Variants in C13orf42 observed in about 807,000 individuals in gnomAD.
The protein encoded by C13orf42 is uncharacterized protein C13orf42.
chr13:51,140,779 A>G (rs886565135), intron 1 of C13orf42, among the ~76,000 whole-genome samples: 4 of 152,136 alleles, frequency 2.6e-5, no homozygotes, highest in African/African-American at 4.8e-5. Flanking sequence ...AACAGGGAAG[A>G]TGAAGGTTTT....
At chr13:51,105,650 C>G (rs1268293892) in intron 1 of C13orf42, among the ~76,000 whole-genome samples, 2 of 152,200 alleles carry the variant, frequency 1.3e-5, no homozygotes, top group Non-Finnish European at 2.9e-5. Flanking sequence ...AGAGCCAAAT[C>G]TAAGGCTCAT....
chr13:51,089,194 G>A (rs1953158534), intron 1 of C13orf42, among the ~76,000 whole-genome samples: 1 of 152,182 alleles, frequency 6.6e-6, no homozygotes, highest in Non-Finnish European at 1.5e-5. Flanking sequence ...ATCTCTATGT[G>A]TACAAGATGT....
intron 1 of C13orf42, 25 bp from the exon 2 acceptor site, chr13:51,088,100 G>C (rs1171397220): frequency 7.5e-6 from 3 of 398,648 alleles, no homozygotes; most frequent in Non-Finnish European, 1.3e-5. Flanking sequence ...GGGGAGAAGA[G>C]AGAGTTGCCT....
At chr13:51,157,721 G>A (rs568177287) in intron 1 of C13orf42, among the ~76,000 whole-genome samples, 11 of 152,182 alleles carry the variant, frequency 7.2e-5, no homozygotes, top group Non-Finnish European at 1.6e-4. Context: ...GCATGAAGAG[G>A]CAACCAACTG....
chr13:51,104,936 C>T (rs1953336251), intron 1 of C13orf42, among the ~76,000 whole-genome samples: 1 of 152,132 alleles, frequency 6.6e-6, no homozygotes, highest in South Asian at 2.1e-4. Context: ...GAGGCTGATG[C>T]CAGTCACATC....
rs145502761 is a variant in C13orf42 at position 51,101,656 on chromosome 13, G to A, written c.414+9140C>T. Among the ~76,000 whole-genome samples the A allele has an allele frequency of 8.9e-3, 1,362 of 152,290 alleles. 21 individuals carry two copies. Among genetic ancestry groups the A allele is most frequent in the African/African-American group, 0.029 (1,186 of 41,568 alleles). ...GAGCATCTACCATGTGCCTAAAACC[G>A]TGCTAAAGGTCGGAGTTAAAAAGAT... On this transcript the variant is annotated intron_variant, in intron 1 of 3. Coordinates refer to ENST00000563710, the MANE Select transcript of C13orf42 (RefSeq NM_001351589.3).
chr13:51,093,461 A>G (rs1436682470), intron 1 of C13orf42, among the ~76,000 whole-genome samples: 1 of 152,228 alleles, frequency 6.6e-6, no homozygotes, highest in African/African-American at 2.4e-5. Flanking sequence ...ACCGTGATTG[A>G]GGAACTGAAC....
At chr13:51,126,192 G>C (rs1245677608) in intron 1 of C13orf42, among the ~76,000 whole-genome samples, 1 of 152,132 alleles carries the variant, frequency 6.6e-6, no homozygotes, top group Non-Finnish European at 1.5e-5. Flanking sequence ...TGCCAAAACT[G>C]GTGCCACTTG....
chr13:51,110,317 A>G (rs555784728), intron 1 of C13orf42, among the ~76,000 whole-genome samples: 56 of 152,316 alleles, frequency 3.7e-4, no homozygotes, highest in South Asian at 1.7e-3. Flanking sequence ...CACCTATAAC[A>G]CTGGGAAGGA....
chr13:51,163,600 C>T (rs539203078), intron 1 of C13orf42, among the ~76,000 whole-genome samples: 18 of 152,252 alleles, frequency 1.2e-4, no homozygotes, highest in African/African-American at 4.3e-4. Context: ...AGCAGCCTCC[C>T]TTTAACCCAC....
intron 1 of C13orf42, among the ~76,000 whole-genome samples, chr13:51,145,024 C>A (rs7332281): frequency 6.6e-6 from 1 of 151,974 alleles, no homozygotes; most frequent in Non-Finnish European, 1.5e-5. Context: ...ACACCTGTTG[C>A]TAGATTCTAG....
chr13:51,163,547 A>G (rs1028919575), intron 1 of C13orf42, among the ~76,000 whole-genome samples: 1 of 152,174 alleles, frequency 6.6e-6, no homozygotes, highest in African/African-American at 2.4e-5. Context: ...TGCAGTTTCT[A>G]TAGTATTTTC....
At chr13:51,125,318 A>G (rs746699524) in intron 1 of C13orf42, among the ~76,000 whole-genome samples, 14 of 152,218 alleles carry the variant, frequency 9.2e-5, no homozygotes, top group Non-Finnish European at 1.5e-4. Flanking sequence ...CCTTTCAGCA[A>G]AGCATGTTAT....
chr13:51,129,588 T>G (rs1390598416), intron 1 of C13orf42, among the ~76,000 whole-genome samples: 5 of 152,206 alleles, frequency 3.3e-5, no homozygotes, highest in Non-Finnish European at 7.3e-5. Context: ...TTCCCCACCC[T>G]GCCACAGACA....
At position 51,082,845 on chromosome 13, in the gene C13orf42, A is replaced by G. The variant is rs1272909699; in HGVS notation, c.*1306T>C. ...TTGAGATAAAATTTCTAAGAATGCAATATAATTACTAGCTGTTTTTTATTT... is the reference window on the plus strand; with the variant it reads ...TTGAGATAAAATTTCTAAGAATGCAGTATAATTACTAGCTGTTTTTTATTT... On this transcript the variant is annotated 3_prime_UTR_variant, in exon 4 of 4. Coordinates refer to ENST00000563710, the MANE Select transcript of C13orf42 (RefSeq NM_001351589.3). The G allele has an allele frequency of 6.6e-6, 1 of 152,234 alleles. No homozygotes were observed. Among genetic ancestry groups the G allele is most frequent in the African/African-American group, 2.4e-5 (1 of 41,464 alleles). The allele number at this position is 152,234 out of a possible 1,614,324, so 9.4% of individuals were successfully genotyped here.
In C13orf42 at chr13:51,085,408, CCT is replaced by C; in HGVS notation, c.712_713del (p.Arg238GlufsTer23). 1 of 398,630 alleles carries C rather than the reference CCT, an allele frequency of 2.5e-6. No homozygotes were observed. The highest frequency in any genetic ancestry group is 4.4e-6 in the Non-Finnish European group (1 of 226,070). 24.7% of individuals were successfully genotyped at this position (398,630 alleles called of 1,614,324 possible). A position where few individuals can be genotyped will look rare whatever the true frequency, so the allele number is the denominator to read the frequency against. ...AATAAATGGGGTGCCTCTCGAGTCT[CCT>C]CTGAGTGCCCACGGTCCTGTGCTCG... ...STEHRTVGTQ[R>X]RLERHPIYLP... is the part of the protein sequence containing the mutation. On this transcript the variant is annotated frameshift_variant, in exon 3 of 4. Transcript: ENST00000563710. LOFTEE classifies it high-confidence loss of function.
intron 1 of C13orf42, chr13:51,161,939 C>T: frequency 2.0e-6 from 1 of 491,776 alleles, no homozygotes; most frequent in Non-Finnish European, 4.0e-6. Context: ...ACCATCAGTG[C>T]TTCCCACGTT....
At chr13:51,148,481 G>A (rs1277321394) in intron 1 of C13orf42, among the ~76,000 whole-genome samples, 1 of 152,230 alleles carries the variant, frequency 6.6e-6, no homozygotes, top group Admixed American at 6.5e-5. Context: ...AGCCCCACAG[G>A]GAGGTGACAT....
intron 1 of C13orf42, among the ~76,000 whole-genome samples, chr13:51,127,688 TAAGAC>T (rs1207288684): frequency 6.6e-6 from 1 of 152,240 alleles, no homozygotes; most frequent in Non-Finnish European, 1.5e-5. Flanking sequence ...TATATGCCTA[TAAGAC>T]AATATAGTAT....
Sources: allele counts gnomAD v4.1 joint callset (sites outside exome capture counted in the v4.1 genomes callset), GRCh38; gene constraint gnomAD v4.1.1; transcripts MANE v1.5; gene names NCBI Gene and HGNC (gene_info 2026-07-23, HGNC 2026-07-21).